Variants in SLC35F1 observed in about 807,000 individuals in gnomAD.
SLC35F1 encodes the protein solute carrier family 35 member F1.
Under a neutral mutation model 48.7 loss-of-function variants are expected in SLC35F1, and 14 were observed. The observed-to-expected ratio is 0.29, with a 90% CI of 0.19 to 0.45. The LOEUF is 0.45. Among genes scored for constraint, SLC35F1 ranks in the 20% least tolerant of loss-of-function variants. The pLI is 1.00. For synonymous variants in SLC35F1, 190 were observed against 202.2 expected (o/e 0.94, Z 0.51); for missense variants, 404 against 500.0 (o/e 0.81, Z 1.83).
intron 1 of SLC35F1, among the ~76,000 whole-genome samples, chr6:118,064,811 C>T (rs772375598): frequency 6.6e-5 from 10 of 152,154 alleles, no homozygotes; most frequent in South Asian, 6.2e-4. Flanking sequence ...TTCTCTCTCT[C>T]TGACTGCTAA....
At chr6:117,970,782 T>C (rs1288412744) in intron 1 of SLC35F1, among the ~76,000 whole-genome samples, 1 of 152,172 alleles carries the variant, frequency 6.6e-6, no homozygotes, top group Non-Finnish European at 1.5e-5. Context: ...ACTTATTCAC[T>C]GTCACAAGAA....
rs902118086 is a variant in SLC35F1, at chr6:118,235,816, C to A, written c.477+180C>A. ...TATGAGTTTTGCAACAAGATGGAAACTGGTTATATAAAAATTAACTTGAAC... is the reference window on the plus strand; with the variant it reads ...TATGAGTTTTGCAACAAGATGGAAAATGGTTATATAAAAATTAACTTGAAC... On this transcript the variant is annotated intron_variant, in intron 3 of 7. Transcript: ENST00000360388. Among the ~76,000 whole-genome samples, 5 of 152,038 alleles carry A rather than the reference C, an allele frequency of 3.3e-5. No individual in the cohort carries two copies. In the East Asian group the frequency reaches 9.6e-4, roughly 29 times the overall value.
chr6:118,274,437 C>G (rs915440334), intron 4 of SLC35F1, among the ~76,000 whole-genome samples: 7 of 152,060 alleles, frequency 4.6e-5, no homozygotes, highest in Non-Finnish European at 7.4e-5. Context: ...TCACGCTTCC[C>G]CCAGGCTGGA....
intron 1 of SLC35F1, among the ~76,000 whole-genome samples, chr6:117,943,315 C>T (rs1415835618): frequency 2.6e-5 from 4 of 152,086 alleles, no homozygotes; most frequent in African/African-American, 9.7e-5. Flanking sequence ...CTAAGGTCTC[C>T]AATGAAGCCC....
intron 1 of SLC35F1, among the ~76,000 whole-genome samples, chr6:118,041,839 G>A (rs1435237791): frequency 7.9e-5 from 12 of 152,050 alleles, no homozygotes; most frequent in Non-Finnish European, 1.3e-4. Flanking sequence ...GAAAGGCAGC[G>A]GGTTAGAGAA....
intron 1 of SLC35F1, among the ~76,000 whole-genome samples, chr6:118,147,334 T>G (rs1233520197): frequency 6.6e-6 from 1 of 151,988 alleles, no homozygotes; most frequent in Non-Finnish European, 1.5e-5. Flanking sequence ...AAAGAAAGCA[T>G]GAGATACACA....
chr6:118,227,592 CT>C (rs1251235469), intron 2 of SLC35F1, among the ~76,000 whole-genome samples: 1 of 152,090 alleles, frequency 6.6e-6, no homozygotes, highest in Non-Finnish European at 1.5e-5. Context: ...ATTGTATTTG[CT>C]TTTAGATATT....
At chr6:118,054,564 T>G (rs1772436791) in intron 1 of SLC35F1, among the ~76,000 whole-genome samples, 2 of 152,146 alleles carry the variant, frequency 1.3e-5, no homozygotes, top group South Asian at 4.1e-4. Flanking sequence ...ATATGCCATT[T>G]TGGCAAAAAA....
intron 2 of SLC35F1, among the ~76,000 whole-genome samples, chr6:118,193,348 C>T (rs914241024): frequency 3.9e-5 from 6 of 152,140 alleles, no homozygotes; most frequent in African/African-American, 1.4e-4. Context: ...CCCTGTTGTG[C>T]TCTTATTCCA....
chr6:117,907,802 A>G lies in SLC35F1; in HGVS notation c.76A>G (p.Ile26Val), dbSNP rs2114790223. Residue 26 changes from isoleucine (I) to valine (V), a missense_variant, in exon 1 of 8, where the codon ATC becomes GTC. Physicochemically the swap from Ile to Val is conservative, Grantham distance 29 (BLOSUM62 3). Transcript: ENST00000360388. ...PAPPNHVVTT[I>V]ENLPAEGSGG... is the part of the protein sequence containing the mutation. ...CCCGCCGAACCATGTGGTGACCACC[A>G]TCGAGAACCTGCCGGCCGAGGGCAG... is the stretch of plus-strand genomic sequence containing the variant. The G allele has an allele frequency of 6.4e-7, 1 of 1,555,494 alleles. No individual in the cohort carries two copies. The highest frequency in any genetic ancestry group is 8.6e-7 in the Non-Finnish European group (1 of 1,160,370).
intron 1 of SLC35F1, among the ~76,000 whole-genome samples, chr6:118,045,538 C>T (rs1381412280): frequency 6.6e-6 from 1 of 152,166 alleles, no homozygotes; most frequent in East Asian, 1.9e-4. Flanking sequence ...AATTTCTGAA[C>T]TTGCCTCTCA....
chr6:118,267,181 CCTT>C, intron 4 of SLC35F1, 27 bp downstream of exon 4: 1 of 1,612,916 alleles, frequency 6.2e-7, no homozygotes, highest in Non-Finnish European at 8.5e-7. Flanking sequence ...TCACCAGGTT[CCTT>C]ACCTCTGCGG....
chr6:118,303,135 C>T (rs1776273841), intron 7 of SLC35F1, among the ~76,000 whole-genome samples: 1 of 152,100 alleles, frequency 6.6e-6, no homozygotes, highest in African/African-American at 2.4e-5. Context: ...ATATAGAATT[C>T]CAATACTGAT....
chr6:117,974,349 A>G (rs370231675), intron 1 of SLC35F1, among the ~76,000 whole-genome samples: 137 of 152,344 alleles, frequency 9.0e-4, no homozygotes, highest in African/African-American at 2.8e-3. Context: ...TTCACATGAT[A>G]GATACTCAGT....
intron 6 of SLC35F1, among the ~76,000 whole-genome samples, chr6:118,283,019 A>G (rs918403812): frequency 6.6e-6 from 1 of 152,114 alleles, no homozygotes; most frequent in African/African-American, 2.4e-5. Context: ...AAACTCCTCA[A>G]TGGCTTCCTC....
intron 7 of SLC35F1, among the ~76,000 whole-genome samples, chr6:118,306,341 T>G (rs6940985): frequency 0.39 from 59,197 of 151,892 alleles, 12,105 homozygotes; most frequent in Middle Eastern, 0.49. Flanking sequence ...ATGATGACAT[T>G]TCCATTTCCA....
intron 1 of SLC35F1, among the ~76,000 whole-genome samples, chr6:117,980,156 G>A (rs12200418): frequency 5.3e-5 from 8 of 152,122 alleles, no homozygotes; most frequent in Non-Finnish European, 7.3e-5. Context: ...TCTCAACATC[G>A]TTGATTTTGA....
At chr6:118,092,906 C>A (rs1773095607) in intron 1 of SLC35F1, among the ~76,000 whole-genome samples, 1 of 152,102 alleles carries the variant, frequency 6.6e-6, no homozygotes, top group Admixed American at 6.5e-5. Flanking sequence ...ATTTGACGGG[C>A]TCATAGGTGG....
At chr6:118,092,324 G>C (rs1228513551) in intron 1 of SLC35F1, among the ~76,000 whole-genome samples, 1 of 152,198 alleles carries the variant, frequency 6.6e-6, no homozygotes, top group South Asian at 2.1e-4. Flanking sequence ...TGTTGAGCCT[G>C]TAGGAATAAA....
Sources: gnomAD v4.1 joint callset for allele counts (sites outside exome capture counted in the v4.1 genomes callset) on GRCh38, gnomAD v4.1.1 for gene constraint, MANE v1.5 for transcripts, NCBI Gene and HGNC (gene_info 2026-07-23, HGNC 2026-07-21) for gene names.